The following RBFOX1 variants were observed in gnomAD, a reference collection of about 807,000 sequenced individuals.
The protein encoded by RBFOX1 is RNA binding protein fox-1 homolog 1.
RBFOX1 carries 8 observed loss-of-function variants against 57.7 expected under a neutral mutation model. That is an observed-to-expected ratio of 0.14 (90% CI 0.08 to 0.25). The LOEUF (loss-of-function observed/expected upper bound fraction) is 0.25, where lower values mean the gene tolerates loss of function less well. Ranked by LOEUF, RBFOX1 falls within the 10% of genes least tolerant of loss-of-function variation. RBFOX1 has a pLI of 1.00. For synonymous variants in RBFOX1, 326 were observed against 222.4 expected (o/e 1.47, Z -4.15); for missense variants, 611 against 548.5 (o/e 1.11, Z -1.14).
At chr16:6,535,893 C>A (rs1320380476) in intron 2 of RBFOX1, among the ~76,000 whole-genome samples, 1 of 152,098 alleles carries the variant, frequency 6.6e-6, no homozygotes, top group Non-Finnish European at 1.5e-5. Flanking sequence ...TTTTCAGTTT[C>A]TTCCCTTTTC....
At chr16:5,769,908 A>G (rs2053920932) in intron 3 of RBFOX1, among the ~76,000 whole-genome samples, 2 of 152,124 alleles carry the variant, frequency 1.3e-5, no homozygotes, top group Non-Finnish European at 2.9e-5. Flanking sequence ...TTCATGCAGG[A>G]TGTTGGGGGC....
chr16:7,536,847 T>C (rs1858795022), intron 5 of RBFOX1, among the ~76,000 whole-genome samples: 1 of 152,232 alleles, frequency 6.6e-6, no homozygotes, highest in African/African-American at 2.4e-5. Context: ...AGGGCTTTTC[T>C]GTCTGCTTTT....
intron 11 of RBFOX1, among the ~76,000 whole-genome samples, chr16:7,631,269 G>A (rs1238893803): frequency 1.3e-5 from 2 of 152,132 alleles, no homozygotes; most frequent in Admixed American, 1.3e-4. Flanking sequence ...TTAAAAAATC[G>A]GGGCACTTTT....
intron 4 of RBFOX1, among the ~76,000 whole-genome samples, chr16:5,873,482 C>T (rs1394173172): frequency 1.3e-5 from 2 of 152,188 alleles, no homozygotes; most frequent in Non-Finnish European, 2.9e-5. Context: ...TTAAAGAACT[C>T]TAAACAATCA....
chr16:6,020,923 C>T (rs1008135433), intron 1 of RBFOX1, among the ~76,000 whole-genome samples: 1 of 152,190 alleles, frequency 6.6e-6, no homozygotes, highest in African/African-American at 2.4e-5. Context: ...GTCCTGGAGC[C>T]CCCAGCTCCA....
intron 3 of RBFOX1, among the ~76,000 whole-genome samples, chr16:6,749,936 G>C (rs753105453): frequency 1.3e-5 from 2 of 152,180 alleles, no homozygotes; most frequent in East Asian, 1.9e-4. Context: ...GACTGTGTCA[G>C]GGTGTTCAGA....
At chr16:5,294,141 A>G (rs565480446) in intron 1 of RBFOX1, among the ~76,000 whole-genome samples, 88 of 152,304 alleles carry the variant, frequency 5.8e-4, no homozygotes, top group Admixed American at 9.8e-4. Context: ...AGGTAGGAAA[A>G]TGGGTTGAAC....
At chr16:7,158,497 C>CTCCT (rs1310840986) in intron 4 of RBFOX1, among the ~76,000 whole-genome samples, 1 of 152,024 alleles carries the variant, frequency 6.6e-6, no homozygotes, top group Non-Finnish European at 1.5e-5. Context: ...TAAATTTGTA[C>CTCCT]TCCTGTGGGA....
intron 3 of RBFOX1, among the ~76,000 whole-genome samples, chr16:6,988,236 C>A (rs1246025144): frequency 2.0e-5 from 3 of 152,148 alleles, no homozygotes; most frequent in Non-Finnish European, 2.9e-5. Context: ...CATTTTCCTG[C>A]TGGTTTTTCC....
chr16:7,693,453 T>C (rs2077847987), intron 14 of RBFOX1: 5 of 1,015,376 alleles, frequency 4.9e-6, no homozygotes, highest in Non-Finnish European at 7.3e-6. Context: ...CATGCTGCAG[T>C]TGGTCACTCT....
At chr16:7,151,837 A>T (rs187065137) in intron 4 of RBFOX1, among the ~76,000 whole-genome samples, 1 of 152,214 alleles carries the variant, frequency 6.6e-6, no homozygotes, top group East Asian at 1.9e-4. Context: ...GCTCCTTCGC[A>T]TGCACAGTTC....
chr16:6,720,186 T>C (rs113124523), intron 3 of RBFOX1, among the ~76,000 whole-genome samples: 3 of 152,072 alleles, frequency 2.0e-5, no homozygotes, highest in African/African-American at 4.8e-5. Flanking sequence ...ATTTAGTAAA[T>C]GACAGTAATT....
intron 4 of RBFOX1, among the ~76,000 whole-genome samples, chr16:7,055,912 T>C (rs900275789): frequency 6.6e-6 from 1 of 152,198 alleles, no homozygotes; most frequent in Non-Finnish European, 1.5e-5. Context: ...AGCAACTTTG[T>C]GAATTCTGGT....
chr16:7,168,846 A>G (rs1279830116), intron 4 of RBFOX1, among the ~76,000 whole-genome samples: 1 of 152,314 alleles, frequency 6.6e-6, no homozygotes, highest in African/African-American at 2.4e-5. Flanking sequence ...TTCTCCTGAC[A>G]TGAACAAATA....
At chr16:6,443,369 T>C (rs2094424822) in intron 2 of RBFOX1, among the ~76,000 whole-genome samples, 1 of 151,202 alleles carries the variant, frequency 6.6e-6, no homozygotes. Context: ...TTTATAAAAA[T>C]ATTTCTTCTG....
At chr16:5,559,890 C>G (rs901825540) in intron 2 of RBFOX1, among the ~76,000 whole-genome samples, 1 of 129,186 alleles carries the variant, frequency 7.7e-6, no homozygotes, top group Non-Finnish European at 1.7e-5. Context: ...TGTACTCCAG[C>G]CATCCTGAGA....
chr16:5,392,747 C>G (rs2066448065), intron 1 of RBFOX1, among the ~76,000 whole-genome samples: 2 of 152,046 alleles, frequency 1.3e-5, no homozygotes, highest in Admixed American at 1.3e-4. Context: ...ATGTGCTCAT[C>G]TAGGCAAGTA....
chr16:7,365,586 G>A (rs898490544), intron 4 of RBFOX1, among the ~76,000 whole-genome samples: 1 of 152,158 alleles, frequency 6.6e-6, no homozygotes, highest in Non-Finnish European at 1.5e-5. Flanking sequence ...TAGAGGCCAC[G>A]GATGTTGCTA....
chr16:5,496,019 G>A (rs941320743), intron 2 of RBFOX1, among the ~76,000 whole-genome samples: 1 of 152,086 alleles, frequency 6.6e-6, no homozygotes, highest in Admixed American at 6.6e-5. Context: ...CCAGCTACTC[G>A]GGAGGCTGAG....
Sources: allele counts gnomAD v4.1 joint callset (sites outside exome capture counted in the v4.1 genomes callset), GRCh38; gene constraint gnomAD v4.1.1; transcripts MANE v1.5; gene names NCBI Gene and HGNC (gene_info 2026-07-23, HGNC 2026-07-21).